The following UBE2Q2 variants were observed in gnomAD, a reference collection of about 807,000 sequenced individuals.
The protein encoded by UBE2Q2 is ubiquitin conjugating enzyme E2 Q2.
In UBE2Q2, 54 loss-of-function variants were observed where a neutral mutation model predicts 59.9. The observed-to-expected ratio is 0.90, with a 90% confidence interval of 0.72 to 1.13. The LOEUF (loss-of-function observed/expected upper bound fraction) is 1.13. Ranked by LOEUF, UBE2Q2 falls within the 50% of genes most tolerant of loss-of-function variation. UBE2Q2 has a pLI of 0.00. For synonymous variants in UBE2Q2, 165 were observed against 155.2 expected (o/e 1.06, Z -0.47); for missense variants, 433 against 441.9 (o/e 0.98, Z 0.18).
At chr15:75,864,842 C>G (rs955366060) in intron 3 of UBE2Q2, among the ~76,000 whole-genome samples, 5 of 151,790 alleles carry the variant, frequency 3.3e-5, no homozygotes, top group African/African-American at 7.3e-5. Flanking sequence ...TTTTATTTTG[C>G]TTTTTCTAGT....
At chr15:75,846,611 A>G (rs964114308) in intron 1 of UBE2Q2, among the ~76,000 whole-genome samples, 2 of 152,170 alleles carry the variant, frequency 1.3e-5, no homozygotes, top group East Asian at 1.9e-4. Context: ...AGATCAAGGG[A>G]AAAATGGGGT....
Position 75,899,427 on chromosome 15 carries a change from G to C in UBE2Q2, c.1097G>C (p.Gly366Ala). Residue 366 changes from glycine to alanine, a missense_variant and splice_region_variant, in exon 13 of 13, where the codon GGC (glycine) becomes GCC (alanine). Transcript: ENST00000267938. The stretch of plus-strand genomic sequence containing the variant: ...CTTTTTTTTTTTCATTCTATTTCAG[G>C]CTGGTACACCCCTCCAAAGGAAGAT... ...NSIVQIHEKNGWYTPPKEDG is the reference protein window; with the variant it reads ...NSIVQIHEKNAWYTPPKEDG The C allele has an allele frequency of 6.3e-7, 1 of 1,582,386 alleles. No homozygotes were observed. The highest frequency in any genetic ancestry group is 8.6e-7 in the Non-Finnish European group (1 of 1,166,346).
chr15:75,876,090 G>T, intron 5 of UBE2Q2, 97 bp from the exon 6 acceptor site: 22 of 958,484 alleles, frequency 2.3e-5, no homozygotes, highest in Non-Finnish European at 3.1e-5. Flanking sequence ...AAAATGTTGA[G>T]TGGTGATCCA....
intron 2 of UBE2Q2, 28 bp downstream of exon 2, chr15:75,854,515 CT>C: frequency 7.0e-7 from 1 of 1,434,744 alleles, no homozygotes. Flanking sequence ...GCTATTTTCT[CT>C]TTTCCTCATG....
At chr15:75,879,030 T>C (rs1898241315) in intron 7 of UBE2Q2, 68 bp from the exon 8 acceptor site, 2 of 1,197,990 alleles carry the variant, frequency 1.7e-6, no homozygotes, top group East Asian at 2.5e-5. Context: ...TAGTTCATTT[T>C]TGAGTTTAGT....
intron 4 of UBE2Q2, among the ~76,000 whole-genome samples, chr15:75,870,815 G>T (rs1248458416): frequency 6.6e-6 from 1 of 152,192 alleles, no homozygotes; most frequent in African/African-American, 2.4e-5. Context: ...TAAAAGTCTT[G>T]AATTCGAGAC....
chr15:75,864,519 G>A (rs955417778), intron 3 of UBE2Q2, among the ~76,000 whole-genome samples: 1 of 151,746 alleles, frequency 6.6e-6, no homozygotes, highest in African/African-American at 2.4e-5. Context: ...ACTCCAATCT[G>A]GAGGATGAGT....
At chr15:75,896,956 A>G in intron 11 of UBE2Q2, 39 bp from the exon 12 acceptor site, 3 of 1,314,848 alleles carry the variant, frequency 2.3e-6, no homozygotes, top group Non-Finnish European at 3.2e-6. Flanking sequence ...ATTTTCACCT[A>G]ATTACACTTT....
intron 2 of UBE2Q2, among the ~76,000 whole-genome samples, chr15:75,856,485 A>G (rs1416038784): frequency 6.6e-6 from 1 of 152,168 alleles, no homozygotes; most frequent in Non-Finnish European, 1.5e-5. Flanking sequence ...GAGTCATGCA[A>G]ATGAGAATTT....
intron 4 of UBE2Q2, among the ~76,000 whole-genome samples, chr15:75,872,936 G>T (rs12438642): frequency 7.2e-5 from 11 of 152,246 alleles, no homozygotes; most frequent in South Asian, 2.1e-4. Context: ...TAGTATTTCA[G>T]TGGCCTCTTA....
At chr15:75,879,920 C>T (rs1034534083) in intron 8 of UBE2Q2, among the ~76,000 whole-genome samples, 1 of 152,096 alleles carries the variant, frequency 6.6e-6, no homozygotes, top group Non-Finnish European at 1.5e-5. Flanking sequence ...AGGAGTCCAT[C>T]TAGGTGGGAG....
chr15:75,845,112 A>G (rs1896271031), intron 1 of UBE2Q2, among the ~76,000 whole-genome samples: 1 of 152,146 alleles, frequency 6.6e-6, no homozygotes, highest in Admixed American at 6.5e-5. Flanking sequence ...AGAGTTCAAT[A>G]AGGTGACAGC....
At chr15:75,843,918 AG>A in intron 1 of UBE2Q2, 72 bp downstream of exon 1, 1 of 1,456,034 alleles carries the variant, frequency 6.9e-7, no homozygotes, top group Non-Finnish European at 9.0e-7. Flanking sequence ...CCCGGGACAA[AG>A]GGGAGCCTGC....
intron 8 of UBE2Q2, among the ~76,000 whole-genome samples, chr15:75,881,351 G>A (rs1040422271): frequency 6.6e-6 from 1 of 152,010 alleles, no homozygotes; most frequent in African/African-American, 2.4e-5. Flanking sequence ...GAGGATTTGT[G>A]ACTATAGGTA....
intron 3 of UBE2Q2, among the ~76,000 whole-genome samples, chr15:75,865,507 T>C (rs190679673): frequency 3.4e-4 from 52 of 152,356 alleles, no homozygotes; most frequent in Non-Finnish European, 5.7e-4. Context: ...ATGGTACCCC[T>C]GTGCCAGCAT....
intron 6 of UBE2Q2, among the ~76,000 whole-genome samples, chr15:75,877,652 A>G (rs1898159905): frequency 6.6e-6 from 1 of 152,234 alleles, no homozygotes. Flanking sequence ...CCATCTTTGT[A>G]GAAATGTGTG....
At chr15:75,872,477 A>G (rs1003324547) in intron 4 of UBE2Q2, among the ~76,000 whole-genome samples, 7 of 151,892 alleles carry the variant, frequency 4.6e-5, no homozygotes, top group African/African-American at 1.2e-4. Context: ...AAGGGAGCAG[A>G]ATGATGTGAA....
At chr15:75,844,574 TC>T (rs1263724498) in intron 1 of UBE2Q2, 2 of 1,413,186 alleles carry the variant, frequency 1.4e-6, no homozygotes, top group African/African-American at 2.9e-5. Flanking sequence ...CCAGGGCTGC[TC>T]CCCGGAAAGA....
intron 6 of UBE2Q2, among the ~76,000 whole-genome samples, chr15:75,876,799 T>C (rs1054569659): frequency 6.6e-6 from 1 of 152,194 alleles, no homozygotes. Flanking sequence ...TAACTAGAGG[T>C]AAAATTCTCA....
Sources: gnomAD v4.1 joint callset for allele counts (sites outside exome capture counted in the v4.1 genomes callset) on GRCh38, gnomAD v4.1.1 for gene constraint, MANE v1.5 for transcripts, NCBI Gene and HGNC (gene_info 2026-07-23, HGNC 2026-07-21) for gene names.